IMPG1: variants seen among roughly 807,000 people sequenced by gnomAD.
IMPG1 encodes the protein interphotoreceptor matrix proteoglycan of 150 kDa.
A neutral mutation model predicts 92.0 loss-of-function variants in IMPG1; 85 were observed. The ratio of observed to expected loss-of-function variants is 0.92; its 90% CI spans 0.78 to 1.11. The LOEUF (loss-of-function observed/expected upper bound fraction) is 1.11, where lower values mean the gene tolerates loss of function less well. Among genes scored for constraint, IMPG1 ranks in the 50% least tolerant of loss-of-function variants. The pLI is 0.00. For missense variants in IMPG1, 1,022 were observed against 956.0 expected, an observed-to-expected ratio of 1.07 and a Z score of -0.91; for synonymous variants, 367 against 334.1, an observed-to-expected ratio of 1.10 and a Z score of -1.08.
chr6:76,021,686 C>A (rs900844443), intron 6 of IMPG1, among the ~76,000 whole-genome samples: 1 of 147,848 alleles, frequency 6.8e-6, no homozygotes, highest in Non-Finnish European at 1.5e-5. Flanking sequence ...AGAACAAAAC[C>A]TTCACTCTTG....
chr6:76,003,114 A>G, intron 11 of IMPG1, 118 bp from the exon 12 acceptor site: 1 of 696,136 alleles, frequency 1.4e-6, no homozygotes, highest in South Asian at 1.6e-5. Context: ...TTTGTTGTTG[A>G]CTTGAATCTA....
chr6:76,051,588 T>G (rs1784043030), intron 1 of IMPG1, among the ~76,000 whole-genome samples: 1 of 152,218 alleles, frequency 6.6e-6, no homozygotes, highest in Non-Finnish European at 1.5e-5. Context: ...TAGTTATTTC[T>G]TTTAATGAAT....
At chr6:75,990,483 G>A (rs1582089649) in intron 12 of IMPG1, among the ~76,000 whole-genome samples, 2 of 151,958 alleles carry the variant, frequency 1.3e-5, no homozygotes, top group Non-Finnish European at 2.9e-5. Context: ...GCCAGGCATG[G>A]TGGTTCATGT....
At chr6:75,958,403 C>T (rs779919812) in intron 12 of IMPG1, among the ~76,000 whole-genome samples, 30 of 152,098 alleles carry the variant, frequency 2.0e-4, no homozygotes, top group Non-Finnish European at 4.3e-4. Flanking sequence ...GTGGTGTTCT[C>T]TATATTTTCT....
At chr6:76,033,992 T>C (rs1783693351) in intron 4 of IMPG1, among the ~76,000 whole-genome samples, 2 of 152,202 alleles carry the variant, frequency 1.3e-5, no homozygotes. Context: ...TAGTTTACCA[T>C]AAATTCTAAA....
At chr6:75,972,742 AT>A (rs1239146318) in intron 12 of IMPG1, among the ~76,000 whole-genome samples, 1 of 152,204 alleles carries the variant, frequency 6.6e-6, no homozygotes, top group East Asian at 1.9e-4. Context: ...TTCTTCAGTC[AT>A]TCTTTAAATC....
chr6:76,005,630 C>T, intron 9 of IMPG1, 96 bp from the exon 10 acceptor site: 3 of 1,240,312 alleles, frequency 2.4e-6, no homozygotes, highest in Non-Finnish European at 3.4e-6. Flanking sequence ...AGGATAGCTT[C>T]CACCTCTTTC....
intron 3 of IMPG1, 86 bp downstream of exon 3, chr6:76,034,535 T>C (rs1783702437): frequency 7.0e-7 from 1 of 1,435,172 alleles, no homozygotes; most frequent in Non-Finnish European, 9.7e-7. Flanking sequence ...CCTTACGTTG[T>C]GGAAACCAAT....
chr6:75,977,149 G>A (rs561171123), intron 12 of IMPG1, among the ~76,000 whole-genome samples: 1 of 152,264 alleles, frequency 6.6e-6, no homozygotes, highest in South Asian at 2.1e-4. Flanking sequence ...GGACATCTGT[G>A]ATAATATCAA....
At chr6:75,974,330 C>CCTCTCTTT (rs1426856034) in intron 12 of IMPG1, among the ~76,000 whole-genome samples, 22 of 98,212 alleles carry the variant, frequency 2.2e-4, no homozygotes, top group African/African-American at 8.5e-4. Context: ...TCTTTCTTTC[C>CCTCTCTTT]CTTTCTTTCT....
chr6:76,067,050 A>G (rs1421457140), intron 1 of IMPG1, among the ~76,000 whole-genome samples: 1 of 152,124 alleles, frequency 6.6e-6, no homozygotes, highest in Non-Finnish European at 1.5e-5. Context: ...CAGTGCTAAG[A>G]GAGAAGTTTA....
intron 5 of IMPG1, among the ~76,000 whole-genome samples, chr6:76,024,199 G>A (rs1470945720): frequency 2.6e-5 from 4 of 152,036 alleles, no homozygotes; most frequent in East Asian, 3.8e-4. Flanking sequence ...AGGCACAGCC[G>A]GCTTTCTCTG....
chr6:75,938,015 C>T (rs1211548842), intron 14 of IMPG1, among the ~76,000 whole-genome samples: 2 of 152,346 alleles, frequency 1.3e-5, no homozygotes, highest in East Asian at 3.9e-4. Flanking sequence ...GAGATGCTGG[C>T]AGAATACTGA....
At chr6:76,007,352 TAA>T in intron 9 of IMPG1, 126 bp downstream of exon 9, 1 of 650,694 alleles carries the variant, frequency 1.5e-6, no homozygotes, top group Non-Finnish European at 2.6e-6. Context: ...TCCATTTAAA[TAA>T]GAAACCATCA....
At chr6:76,041,139 GTTT>G (rs950835448) in intron 2 of IMPG1, among the ~76,000 whole-genome samples, 1 of 150,740 alleles carries the variant, frequency 6.6e-6, no homozygotes, top group African/African-American at 2.4e-5. Flanking sequence ...CCAAAGATTT[GTTT>G]TTTTTTCTTT....
At chr6:76,027,753 C>A (rs536276902) in intron 4 of IMPG1, among the ~76,000 whole-genome samples, 4 of 152,162 alleles carry the variant, frequency 2.6e-5, no homozygotes, top group Non-Finnish European at 4.4e-5. Context: ...CTAATCTGCT[C>A]TTTGGCAAAA....
intron 15 of IMPG1, among the ~76,000 whole-genome samples, chr6:75,927,941 T>C (rs1427275998): frequency 6.6e-6 from 1 of 151,970 alleles, no homozygotes; most frequent in East Asian, 1.9e-4. Context: ...TTTTGAGAGG[T>C]GTTTATTTCC....
chr6:76,012,587 T>A (rs1392143901), intron 7 of IMPG1, among the ~76,000 whole-genome samples: 1 of 152,178 alleles, frequency 6.6e-6, no homozygotes, highest in Non-Finnish European at 1.5e-5. Context: ...CAAGAGAGAC[T>A]GAGGAAGGGA....
intron 1 of IMPG1, among the ~76,000 whole-genome samples, chr6:76,054,500 T>C (rs1170394295): frequency 2.0e-5 from 3 of 152,174 alleles, no homozygotes; most frequent in Admixed American, 2.0e-4. Flanking sequence ...ATTTGCTGTT[T>C]TAAGAGGCAT....
Sources: gnomAD v4.1 joint callset for allele counts (sites outside exome capture counted in the v4.1 genomes callset) on GRCh38, gnomAD v4.1.1 for gene constraint, MANE v1.5 for transcripts, NCBI Gene and HGNC (gene_info 2026-07-23, HGNC 2026-07-21) for gene names.